Variants in RUBCN observed in about 807,000 individuals in gnomAD.
The protein encoded by RUBCN is run domain Beclin-1-interacting and cysteine-rich domain-containing protein.
In RUBCN, 74 loss-of-function variants were observed where a neutral mutation model predicts 113.2. The ratio of observed to expected loss-of-function variants is 0.65; its 90% CI spans 0.54 to 0.79. The LOEUF is 0.79. Ranked by LOEUF, RUBCN falls within the 30% of genes least tolerant of loss-of-function variation. The pLI is 0.00. For synonymous variants in RUBCN, 480 were observed against 490.0 expected (o/e 0.98, Z 0.27); for missense variants, 1,109 against 1,251.7 (o/e 0.89, Z 1.72).
In RUBCN at chr3:197,708,139, A is replaced by T. The variant is rs965199261; in HGVS notation, c.220-2964T>A. Among the ~76,000 whole-genome samples, 3 of 147,844 alleles carry T rather than the reference A, an allele frequency of 2.0e-5. No individual in the cohort carries two copies. The Admixed American group carries it at 2.0e-4, about 10-fold the overall frequency. ...GCAAATAAAGAAAAATATGTAAACA[A>T]TTTTTTTTTTTTCCAAGACGGAGTC... On this transcript the variant is annotated intron_variant, in intron 2 of 19. Transcript: ENST00000296343.
rs1580172091 is a variant in RUBCN at position 197,682,697 on chromosome 3, T to C, written c.1981-82A>G. 14 of 1,585,146 alleles carry C rather than the reference T, an allele frequency of 8.8e-6. No homozygotes were observed. The East Asian group carries it at 2.9e-4, about 33-fold the overall frequency. ...GGTGAGATGGGCAGTGAGTCAGGGATGGGCAGGAGAAAAACACAGTTGGGG... is the reference window on the plus strand; with the variant it reads ...GGTGAGATGGGCAGTGAGTCAGGGACGGGCAGGAGAAAAACACAGTTGGGG... On this transcript the variant is annotated intron_variant, in intron 13 of 19. Transcript: ENST00000296343.
At chr3:197,705,219 G>A (rs1334213586) in intron 2 of RUBCN, 44 bp from the exon 3 acceptor site, 3 of 1,541,990 alleles carry the variant, frequency 1.9e-6, no homozygotes, top group Non-Finnish European at 2.7e-6. Context: ...GACCATTCTG[G>A]ACCAGATCTA....
In RUBCN at chr3:197,674,452, G is replaced by C. The variant is rs1033005209; in HGVS notation, c.*566C>G. 3 of 423,168 alleles carry C rather than the reference G, an allele frequency of 7.1e-6. No individual in the cohort carries two copies. Among genetic ancestry groups the C allele is most frequent in the African/African-American group, 4.3e-5 (2 of 46,836 alleles). 26.2% of individuals were successfully genotyped at this position (423,168 alleles called of 1,614,324 possible). On this transcript the variant is annotated 3_prime_UTR_variant, in exon 20 of 20. Coordinates refer to ENST00000296343, the MANE Select transcript of RUBCN (RefSeq NM_014687.4). ...TGAGGAGTCTAGGATAGTCAGGATTGTTCTGTGGCCCCCAAAATACCCAAA... is the reference window on the plus strand; with the variant it reads ...TGAGGAGTCTAGGATAGTCAGGATTCTTCTGTGGCCCCCAAAATACCCAAA...
chr3:197,700,415 T>C (rs994194009), intron 7 of RUBCN, 198 bp downstream of exon 7: 13 of 613,868 alleles, frequency 2.1e-5, no homozygotes, highest in Non-Finnish European at 3.7e-5. Flanking sequence ...TAGCAATGTA[T>C]AAAGAAACAA....
At chr3:197,723,744 T>G (rs1726423941) in intron 1 of RUBCN, among the ~76,000 whole-genome samples, 1 of 152,176 alleles carries the variant, frequency 6.6e-6, no homozygotes, top group South Asian at 2.1e-4. Flanking sequence ...CTGGTTTGAT[T>G]AAACCATTAT....
intron 1 of RUBCN, among the ~76,000 whole-genome samples, chr3:197,720,797 G>C (rs547214025): frequency 6.6e-6 from 1 of 152,078 alleles, no homozygotes; most frequent in Non-Finnish European, 1.5e-5. Flanking sequence ...TTGATACACC[G>C]ATTGTGTTTC....
At chr3:197,705,261 G>A (rs1724166073) in intron 2 of RUBCN, 86 bp from the exon 3 acceptor site, 1 of 1,198,062 alleles carries the variant, frequency 8.3e-7, no homozygotes, top group Non-Finnish European at 1.2e-6. Context: ...GATAGGAAAA[G>A]GACCACAACC....
At chr3:197,677,983 TCTGA>T (rs1349280647) in intron 16 of RUBCN, among the ~76,000 whole-genome samples, 2 of 138,228 alleles carry the variant, frequency 1.4e-5, no homozygotes, top group African/African-American at 2.7e-5. Context: ...TGTCCCACAC[TCTGA>T]CTGACAGCTG....
chr3:197,683,682 C>G lies in RUBCN; in HGVS notation c.1848-243G>C, dbSNP rs2108855961. On this transcript the variant is annotated intron_variant, in intron 12 of 19. Coordinates refer to ENST00000296343, the MANE Select transcript of RUBCN (RefSeq NM_014687.4). This position sits in a 1 kb window ranked among gnomAD's most constrained non-coding sequence, Gnocchi z 4.6. ...GCACTGCTAATGAAGGACTCTGTCACTTCCTTTCTCTGAACTTCAGCTCCT... is the reference window on the plus strand; with the variant it reads ...GCACTGCTAATGAAGGACTCTGTCAGTTCCTTTCTCTGAACTTCAGCTCCT... 1.3e-5 allele frequency among the ~76,000 whole-genome samples: 2 copies of G among 152,296 alleles called. No individual in the cohort carries two copies. Among genetic ancestry groups the G allele is most frequent in the East Asian group, 3.9e-4 (2 of 5,184 alleles).
At chr3:197,689,445 A>T (rs1345561243) in intron 11 of RUBCN, among the ~76,000 whole-genome samples, 3 of 152,230 alleles carry the variant, frequency 2.0e-5, no homozygotes, top group African/African-American at 7.2e-5. Context: ...TAGAAAGACC[A>T]AATCAAGGCC....
At position 197,707,091 on chromosome 3, in the gene RUBCN, C is replaced by A. The variant is rs767759766; in HGVS notation, c.220-1916G>T. Among the ~76,000 whole-genome samples, 31 of 150,116 alleles carry A rather than the reference C, an allele frequency of 2.1e-4. 1 individual carries two copies. The highest frequency in any genetic ancestry group is 7.9e-4 in the African/African-American group (31 of 39,490). On this transcript the variant is annotated intron_variant, in intron 2 of 19. Coordinates refer to ENST00000296343, the MANE Select transcript of RUBCN (RefSeq NM_014687.4). ...GGGCGCGGTGGCTCACGCCTGTAAT[C>A]CCAGCACTTTGGGAGGCCGAGGCAG...
upstream of RUBCN, among the ~76,000 whole-genome samples, chr3:197,738,485 TA>T (rs546135718): frequency 8.7e-4 from 132 of 152,324 alleles, 2 homozygotes; most frequent in African/African-American, 3.0e-3. Flanking sequence ...TCATTTAGGT[TA>T]AAAAAATACT....
chr3:197,694,506 A>G lies in RUBCN; in HGVS notation c.1553T>C (p.Leu518Pro). Residue 518 changes from leucine (L) to proline (P), a missense_variant, in exon 10 of 20, where the codon CTA (leucine) becomes CCA (proline). By Grantham distance (98) the Leu-to-Pro change is moderately conservative. This residue lies in a region of RUBCN where 736 missense variants were observed against 779.6 expected (regional missense o/e 0.94). Coordinates refer to ENST00000296343, the MANE Select transcript of RUBCN (RefSeq NM_014687.4). ...LMKCNMMSQC[L>P]EEEEVEEEDS... ...TTCCTCTTCCACTTCCTCCTCCTCTAGGCACTGGCTCATCATGTTGCACTT... is the reference window on the plus strand; with the variant it reads ...TTCCTCTTCCACTTCCTCCTCCTCTGGGCACTGGCTCATCATGTTGCACTT... 6.2e-7 allele frequency: 1 copy of G among 1,614,132 alleles called. No homozygotes were observed. The highest frequency in any genetic ancestry group is 8.5e-7 in the Non-Finnish European group (1 of 1,180,020).
Position 197,703,352 on chromosome 3 carries a change from T to C in RUBCN, c.570+196A>G, listed in dbSNP as rs576723840. Among the ~76,000 whole-genome samples, 9 of 123,784 alleles carry C rather than the reference T, an allele frequency of 7.3e-5. No individual in the cohort carries two copies. In the South Asian group the frequency reaches 2.3e-3, roughly 32 times the overall value. The allele number at this position is 123,784 out of a possible 152,430, so 81.2% of individuals were successfully genotyped here. A position where few individuals can be genotyped will look rare whatever the true frequency, so the allele number is the denominator to read the frequency against. On this transcript the variant is annotated intron_variant, in intron 5 of 19. Transcript: ENST00000296343. ...GATAGAGGTTGCAGTGAGCTGAGAT[T>C]GCACCACTGCACTCCAGCCTGGGAA...
In RUBCN at chr3:197,679,513, C is replaced by T. The variant is rs1471568453; in HGVS notation, c.2430+1616G>A. On this transcript the variant is annotated intron_variant, in intron 16 of 19. Transcript: ENST00000296343. ...AACTGGCTCCAGACTGTCCTACGCT[C>T]TAACTGACAACTGGCTCCAGACTGT... Among the ~76,000 whole-genome samples the T allele has an allele frequency of 2.8e-5, 4 of 144,882 alleles. No homozygotes were observed. In the East Asian group the frequency reaches 8.6e-4, roughly 31 times the overall value.
chr3:197,696,230 G>A (rs538615695), intron 8 of RUBCN, among the ~76,000 whole-genome samples: 5 of 151,998 alleles, frequency 3.3e-5, no homozygotes, highest in African/African-American at 9.7e-5. Flanking sequence ...AAATTAGCTG[G>A]GCATGGTGGC....
chr3:197,736,823 G>C lies in RUBCN; in HGVS notation c.-104C>G. On this transcript the variant is annotated 5_prime_UTR_variant, in exon 1 of 20. Transcript: ENST00000296343. ...GGGCCGGAGGAGGCACCTGCGGCCG[G>C]TGGGCTCCGGGTGATGCGCTACACC... 2 of 1,432,190 alleles carry C rather than the reference G, an allele frequency of 1.4e-6. No homozygotes were observed. The highest frequency in any genetic ancestry group is 1.8e-6 in the Non-Finnish European group (2 of 1,102,068). 88.7% of individuals were successfully genotyped at this position (1,432,190 alleles called of 1,614,324 possible). A position where few individuals can be genotyped will look rare whatever the true frequency, so the allele number is the denominator to read the frequency against.
chr3:197,681,749 C>A lies in RUBCN; in HGVS notation c.2191+86G>T. 8.2e-7 allele frequency: 1 copy of A among 1,219,406 alleles called. No homozygotes were observed. Among genetic ancestry groups the A allele is most frequent in the South Asian group, 1.2e-5 (1 of 83,052 alleles). The allele number at this position is 1,219,406 out of a possible 1,614,324, so 75.5% of individuals were successfully genotyped here. On this transcript the variant is annotated intron_variant, in intron 15 of 19. Coordinates refer to ENST00000296343, the MANE Select transcript of RUBCN (RefSeq NM_014687.4). The surrounding 1 kb of genome is among the most constrained non-coding windows in gnomAD (Gnocchi z 5.5). ...ACTTCTGCCACGCCACCTCCTGCTA[C>A]CGCCTTTGACACGCCACCTCTCCCT...
chr3:197,719,854 T>C (rs953482493), intron 1 of RUBCN, among the ~76,000 whole-genome samples: 1 of 152,262 alleles, frequency 6.6e-6, no homozygotes, highest in Non-Finnish European at 1.5e-5. Context: ...TAGTATACAA[T>C]GGATATATTG....
Sources: gnomAD v4.1 joint callset for allele counts (sites outside exome capture counted in the v4.1 genomes callset) on GRCh38, gnomAD v4.1.1 for gene constraint, gnomAD v4.1.1 regional missense constraint, Gnocchi (gnomAD v3.1) non-coding constraint, MANE v1.5 for transcripts, NCBI Gene and HGNC (gene_info 2026-07-23, HGNC 2026-07-21) for gene names.